ASTN2: variants seen among roughly 807,000 people sequenced by gnomAD.
The protein encoded by ASTN2 is astrotactin 2.
Under a neutral mutation model 139.8 loss-of-function variants are expected in ASTN2, and 54 were observed. The ratio of observed to expected loss-of-function variants is 0.39; its 90% confidence interval spans 0.31 to 0.48. The LOEUF is 0.48. Among genes scored for constraint, ASTN2 ranks in the 20% least tolerant of loss-of-function variants. The probability of loss-of-function intolerance (pLI) is 0.95; values close to 1 mark genes in which losing one functional copy is unlikely to be tolerated. For missense variants in ASTN2, 1,565 were observed against 1,725.1 expected (o/e 0.91, Z 1.64); for synonymous variants, 756 against 719.5 (o/e 1.05, Z -0.81).
At chr9:116,839,061 G>A (rs572467469) in intron 11 of ASTN2, among the ~76,000 whole-genome samples, 45 of 152,278 alleles carry the variant, frequency 3.0e-4, no homozygotes, top group African/African-American at 1.0e-3. Context: ...GCCAGAGAAA[G>A]CATAATAACA....
Position 117,214,513 on chromosome 9 carries a change from G to A in ASTN2, c.860C>T (p.Thr287Ile). The stretch of plus-strand genomic sequence containing the variant: ...ACAGTCATAGTCATCCAGGATGGGA[G>A]TCTCCCGGATGGGCACGCCAATGAC... The part of the protein sequence containing the change: ...NSVIGVPIRE[T>I]PILDDYDCEE... The change falls in exon 3 of 23, where the codon ACT (threonine) becomes ATT (isoleucine). Residue 287 changes from threonine to isoleucine, a missense_variant. By Grantham distance (89) the Thr-to-Ile change is moderately conservative. Transcript: ENST00000313400. 6.2e-7 allele frequency: 1 copy of A among 1,614,162 alleles called. No homozygotes were observed. Among genetic ancestry groups the A allele is most frequent in the Non-Finnish European group, 8.5e-7 (1 of 1,179,988 alleles).
At chr9:117,183,853 G>C (rs1305747376) in intron 3 of ASTN2, among the ~76,000 whole-genome samples, 1 of 152,180 alleles carries the variant, frequency 6.6e-6, no homozygotes, top group Non-Finnish European at 1.5e-5. Context: ...ATGCAGCCCT[G>C]ATATCAGAAT....
chr9:116,579,884 C>T (rs943952832), intron 19 of ASTN2, among the ~76,000 whole-genome samples: 2 of 152,148 alleles, frequency 1.3e-5, no homozygotes, highest in South Asian at 2.1e-4. Flanking sequence ...TGCAGTGGCG[C>T]GATCTCTGCT....
intron 10 of ASTN2, among the ~76,000 whole-genome samples, chr9:116,942,937 T>C (rs1025249543): frequency 1.3e-5 from 2 of 152,218 alleles, no homozygotes; most frequent in Non-Finnish European, 2.9e-5. Context: ...CTCTCCTCTT[T>C]GTGGTCCCAT....
At chr9:116,645,878 A>C (rs1442937330) in intron 17 of ASTN2, among the ~76,000 whole-genome samples, 1 of 152,212 alleles carries the variant, frequency 6.6e-6, no homozygotes, top group African/African-American at 2.4e-5. Flanking sequence ...GGTACCAGCA[A>C]AGTTTTCAAG....
At chr9:116,847,007 C>CAAAAAAAAAAAAAAAAAAAAAA (rs11302692) in intron 11 of ASTN2, among the ~76,000 whole-genome samples, 1 of 75,884 alleles carries the variant, frequency 1.3e-5, no homozygotes, top group Non-Finnish European at 2.5e-5. Flanking sequence ...GCTTCATTCT[C>CAAAAAAAAAAAAAAAAAAAAAA]AAAAAAAAAA....
chr9:116,664,924 G>A lies in ASTN2; in HGVS notation c.2807-13131C>T, dbSNP rs368861844. On this transcript the variant is annotated intron_variant, in intron 16 of 22. Coordinates refer to ENST00000313400, the MANE Select transcript of ASTN2 (RefSeq NM_001365068.1). The stretch of plus-strand genomic sequence containing the variant: ...TAATCCCCAGTGTTGGAGGTGAGAC[G>A]GGGTAGGAGGTGTTTGGGTCATGGG... 7.2e-5 allele frequency among the ~76,000 whole-genome samples: 11 copies of A among 152,148 alleles called. No homozygotes were observed. In the East Asian group the frequency reaches 1.9e-3, roughly 27 times the overall value.
At chr9:117,293,253 G>C (rs2152255) in intron 1 of ASTN2, among the ~76,000 whole-genome samples, 67,340 of 151,834 alleles carry the variant, frequency 0.44, 15,258 homozygotes, top group East Asian at 0.56. Flanking sequence ...GCGTCATGCT[G>C]TCTTGCCTGG....
At chr9:117,220,801 G>A (rs562151713) in intron 2 of ASTN2, among the ~76,000 whole-genome samples, 1 of 152,226 alleles carries the variant, frequency 6.6e-6, no homozygotes, top group African/African-American at 2.4e-5. Flanking sequence ...AATTTAAATG[G>A]AAGCCCCAAG....
At position 116,424,429 on chromosome 9, in the gene ASTN2, CT is replaced by C. The variant is rs143773519; in HGVS notation, c.*1421del. ...GATGCTTCAAGGCAGCATCAAGCTT[CT>C]TGCCCAAAGCTTCCAATGCCTTGCC... On this transcript the variant is annotated 3_prime_UTR_variant, in exon 23 of 23. Coordinates refer to ENST00000313400, the MANE Select transcript of ASTN2 (RefSeq NM_001365068.1). Among the ~76,000 whole-genome samples, 1,480 of 152,266 alleles carry C rather than the reference CT, an allele frequency of 9.7e-3. 32 individuals carry two copies. Among genetic ancestry groups the C allele is most frequent in the African/African-American group, 0.034 (1,424 of 41,544 alleles).
chr9:117,204,154 G>A (rs1372658624), intron 3 of ASTN2, among the ~76,000 whole-genome samples: 1 of 152,242 alleles, frequency 6.6e-6, no homozygotes, highest in African/African-American at 2.4e-5. Flanking sequence ...CATTGCCGGT[G>A]TGTTGGGCTG....
At chr9:117,286,989 T>C (rs953281888) in intron 2 of ASTN2, among the ~76,000 whole-genome samples, 1 of 152,192 alleles carries the variant, frequency 6.6e-6, no homozygotes, top group African/African-American at 2.4e-5. Flanking sequence ...GTGATGTGGA[T>C]GGGCAAGATG....
chr9:116,756,575 G>T (rs916564566), intron 13 of ASTN2, among the ~76,000 whole-genome samples: 2 of 151,888 alleles, frequency 1.3e-5, no homozygotes, highest in African/African-American at 4.8e-5. Flanking sequence ...CCCATGGCTT[G>T]GGGCTTAGCT....
chr9:116,828,273 C>T (rs866306285), intron 11 of ASTN2, among the ~76,000 whole-genome samples: 13 of 145,656 alleles, frequency 8.9e-5, no homozygotes, highest in Middle Eastern at 4.0e-3. Flanking sequence ...TGCACTCTAG[C>T]CTGGGCAACA....
chr9:117,206,737 G>A (rs935496590), intron 3 of ASTN2, among the ~76,000 whole-genome samples: 5 of 152,056 alleles, frequency 3.3e-5, no homozygotes, highest in African/African-American at 7.2e-5. Context: ...ACAGTATAAC[G>A]GTCCCACCCA....
At chr9:117,214,833 G>C in intron 2 of ASTN2, 91 bp from the exon 3 acceptor site, 1 of 1,304,594 alleles carries the variant, frequency 7.7e-7, no homozygotes, top group Non-Finnish European at 9.8e-7. Flanking sequence ...ACTCTGCCAG[G>C]ATCCCTGGGT....
At chr9:116,500,617 C>A (rs531416377) in intron 19 of ASTN2, among the ~76,000 whole-genome samples, 17 of 152,332 alleles carry the variant, frequency 1.1e-4, no homozygotes, top group African/African-American at 3.8e-4. Context: ...GCAGAACAGA[C>A]AATATTGTGC....
At chr9:116,628,498 T>C (rs960915251) in intron 17 of ASTN2, among the ~76,000 whole-genome samples, 1 of 152,128 alleles carries the variant, frequency 6.6e-6, no homozygotes, top group Non-Finnish European at 1.5e-5. Flanking sequence ...ATCCTAGATA[T>C]ACTGACTAGA....
In ASTN2 at chr9:117,278,488, A is replaced by G. The variant is rs188308616; in HGVS notation, c.630+12838T>C. Among the ~76,000 whole-genome samples, 294 of 152,318 alleles carry G rather than the reference A, an allele frequency of 1.9e-3. 3 individuals carry two copies. The highest frequency in any genetic ancestry group is 0.014 in the Middle Eastern group (4 of 294). On this transcript the variant is annotated intron_variant, in intron 2 of 22. Coordinates refer to ENST00000313400, the MANE Select transcript of ASTN2 (RefSeq NM_001365068.1). ...TTCAGCACAAAGGAGGTGAGCAGAG[A>G]AAAAGGTAAATAAATACCATCACCA... is the stretch of plus-strand genomic sequence containing the variant.
Sources: gnomAD v4.1 joint callset for allele counts (sites outside exome capture counted in the v4.1 genomes callset) on GRCh38, gnomAD v4.1.1 for gene constraint, MANE v1.5 for transcripts, NCBI Gene and HGNC (gene_info 2026-07-23, HGNC 2026-07-21) for gene names.